The following TRAPPC8 variants were observed in gnomAD, a reference collection of about 807,000 sequenced individuals.
TRAPPC8 encodes trafficking protein particle complex subunit 8, also known as general sporulation gene 1 homolog.
TRAPPC8 carries 54 observed loss-of-function variants against 174.3 expected under a neutral mutation model. The ratio of observed to expected loss-of-function variants is 0.31; its 90% CI spans 0.25 to 0.39. TRAPPC8 has a LOEUF of 0.39. Ranked by LOEUF, TRAPPC8 falls within the 10% of genes least tolerant of loss-of-function variation. TRAPPC8 has a pLI of 1.00. For synonymous variants in TRAPPC8, 630 were observed against 579.9 expected (o/e 1.09, Z -1.24); for missense variants, 1,531 against 1,699.1 (o/e 0.90, Z 1.74).
At chr18:31,837,045 AGC>A (rs1354199047) in intron 27 of TRAPPC8, among the ~76,000 whole-genome samples, 9 of 152,030 alleles carry the variant, frequency 5.9e-5, no homozygotes, top group Non-Finnish European at 1.3e-4. Context: ...TACAGGCGTG[AGC>A]CACCGCGCCC....
intron 12 of TRAPPC8, among the ~76,000 whole-genome samples, chr18:31,882,573 C>T (rs757888415): frequency 6.6e-6 from 1 of 152,044 alleles, no homozygotes; most frequent in Non-Finnish European, 1.5e-5. Context: ...ACAATATACT[C>T]ATGCAGCAAA....
At chr18:31,851,470 T>C (rs1484572204) in intron 24 of TRAPPC8, among the ~76,000 whole-genome samples, 4 of 152,084 alleles carry the variant, frequency 2.6e-5, no homozygotes, top group African/African-American at 7.2e-5. Flanking sequence ...TAATTTACAT[T>C]GGACACATTT....
At chr18:31,904,722 C>T (rs979134788) in intron 9 of TRAPPC8, among the ~76,000 whole-genome samples, 1 of 152,112 alleles carries the variant, frequency 6.6e-6, no homozygotes, top group African/African-American at 2.4e-5. Context: ...GACAAAATAT[C>T]GTACAGCTCT....
chr18:31,887,663 A>T (rs1231073008), intron 12 of TRAPPC8, among the ~76,000 whole-genome samples: 1 of 151,774 alleles, frequency 6.6e-6, no homozygotes, highest in Non-Finnish European at 1.5e-5. Flanking sequence ...AAAAAAAAAA[A>T]ATAGTAAGAG....
chr18:31,941,325 C>A (rs541371277), intron 1 of TRAPPC8, among the ~76,000 whole-genome samples: 1 of 152,170 alleles, frequency 6.6e-6, no homozygotes, highest in South Asian at 2.1e-4. Context: ...TGCCTGTAAT[C>A]TCAGTTACTC....
At chr18:31,887,048 T>C (rs1598674108) in intron 12 of TRAPPC8, among the ~76,000 whole-genome samples, 2 of 152,174 alleles carry the variant, frequency 1.3e-5, no homozygotes, top group African/African-American at 2.4e-5. Flanking sequence ...CATTACTCTA[T>C]AACTTCTTCT....
intron 10 of TRAPPC8, among the ~76,000 whole-genome samples, chr18:31,900,003 C>T (rs28549720): frequency 0.041 from 6,180 of 151,646 alleles, 175 homozygotes; most frequent in Non-Finnish European, 0.057. Context: ...TTTGGGAGGC[C>T]GAGGTGGGTG....
At chr18:31,860,348 A>G (rs1252836885) in intron 19 of TRAPPC8, among the ~76,000 whole-genome samples, 1 of 152,120 alleles carries the variant, frequency 6.6e-6, no homozygotes, top group Non-Finnish European at 1.5e-5. Context: ...TGTTAAAATT[A>G]TTCCTAACAG....
rs137928114 is a variant in TRAPPC8, at chr18:31,929,431, G to A, written c.352+1898C>T. Among the ~76,000 whole-genome samples, 149 of 152,142 alleles carry A rather than the reference G, an allele frequency of 9.8e-4. 2 individuals carry two copies. In the East Asian group the frequency reaches 0.024, roughly 24 times the overall value. Reference sequence around the variant, plus strand: ...AGTCCTAATTACTTGGGAGGCTGAGGTGAGAAGATTGCATAAGTCCAGGAG... The same window carrying A: ...AGTCCTAATTACTTGGGAGGCTGAGATGAGAAGATTGCATAAGTCCAGGAG... On this transcript the variant is annotated intron_variant, in intron 2 of 28. Transcript: ENST00000283351.
intron 12 of TRAPPC8, among the ~76,000 whole-genome samples, chr18:31,876,233 G>A (rs2035135481): frequency 6.6e-6 from 1 of 152,070 alleles, no homozygotes; most frequent in Non-Finnish European, 1.5e-5. Flanking sequence ...GCTCACGCCT[G>A]TAATCCCAGC....
At chr18:31,873,007 CTTTTTTTTT>C (rs59209328) in intron 14 of TRAPPC8, among the ~76,000 whole-genome samples, 8 of 74,630 alleles carry the variant, frequency 1.1e-4, no homozygotes, top group South Asian at 6.6e-4. Flanking sequence ...ATTCATTTTC[CTTTTTTTTT>C]TTTTTTTTTT....
chr18:31,858,926 G>A (rs1413097566), intron 19 of TRAPPC8, among the ~76,000 whole-genome samples: 2 of 152,104 alleles, frequency 1.3e-5, no homozygotes, highest in Non-Finnish European at 2.9e-5. Flanking sequence ...GCAACATGGT[G>A]AGACCTGTTT....
intron 26 of TRAPPC8, among the ~76,000 whole-genome samples, chr18:31,844,119 C>A (rs1438758772): frequency 6.6e-6 from 1 of 152,160 alleles, no homozygotes; most frequent in African/African-American, 2.4e-5. Flanking sequence ...TTCCAAGGAA[C>A]CCTGGCTCCT....
At chr18:31,831,129 G>T in intron 28 of TRAPPC8, 140 bp from the exon 29 acceptor site, 1 of 631,412 alleles carries the variant, frequency 1.6e-6, no homozygotes, top group South Asian at 2.0e-5. Flanking sequence ...GAGGCAGGTG[G>T]ATCACCTGAG....
At chr18:31,931,213 G>T in intron 2 of TRAPPC8, 116 bp downstream of exon 2, 2 of 902,930 alleles carry the variant, frequency 2.2e-6, no homozygotes. Flanking sequence ...GTATTCTCAG[G>T]CCCTAGCACT....
chr18:31,883,369 C>G (rs2035554450), intron 12 of TRAPPC8: 1 of 152,078 alleles, frequency 6.6e-6, no homozygotes, highest in Non-Finnish European at 1.5e-5. Context: ...TGTAGAAAAC[C>G]AAAAAAGCAG....
intron 12 of TRAPPC8, among the ~76,000 whole-genome samples, chr18:31,877,690 A>G (rs6506947): frequency 0.26 from 38,774 of 149,556 alleles, 5,541 homozygotes; most frequent in South Asian, 0.52. Context: ...TTGGGAGGCC[A>G]AGGCGGGTGG....
At chr18:31,886,685 A>G (rs17804129) in intron 12 of TRAPPC8, among the ~76,000 whole-genome samples, 34,788 of 152,118 alleles carry the variant, frequency 0.23, 4,812 homozygotes, top group South Asian at 0.52. Flanking sequence ...ATTGAACTAT[A>G]AACAACTTCT....
chr18:31,904,157 A>T (rs1012049402), intron 9 of TRAPPC8, among the ~76,000 whole-genome samples: 2 of 151,830 alleles, frequency 1.3e-5, no homozygotes, highest in African/African-American at 4.8e-5. Flanking sequence ...GGATCAGTTG[A>T]GCCCAGGAGG....
Sources: gnomAD v4.1 joint callset for allele counts (sites outside exome capture counted in the v4.1 genomes callset) on GRCh38, gnomAD v4.1.1 for gene constraint, MANE v1.5 for transcripts, NCBI Gene and HGNC (gene_info 2026-07-23, HGNC 2026-07-21) for gene names.